METTL5: variants seen among roughly 807,000 people sequenced by gnomAD.
The protein encoded by METTL5 is methyltransferase 5, N6-adenosine, also known as rRNA N(6)-adenosine-methyltransferase METTL5.
Under a neutral mutation model 26.5 loss-of-function variants are expected in METTL5, and 28 were observed. The observed-to-expected ratio is 1.06, with a 90% CI of 0.78 to 1.45. METTL5 has a LOEUF of 1.45. METTL5 is among the 40% of genes most tolerant of loss of function. METTL5 has a pLI of 0.00. For missense variants in METTL5, 231 were observed against 249.9 expected, an observed-to-expected ratio of 0.92 and a Z score of 0.51; for synonymous variants, 86 against 82.6, an observed-to-expected ratio of 1.04 and a Z score of -0.22.
At position 169,821,991 on chromosome 2, in the gene METTL5, C is replaced by T. The variant is rs769892847; in HGVS notation, c.176G>A (p.Gly59Glu). The change falls in exon 2 of 7, where the codon GGA (glycine) becomes GAA (glutamate). Residue 59 changes from glycine to glutamate, a missense_variant. By Grantham distance (98) the Gly-to-Glu change is moderately conservative. Transcript: ENST00000260953. ...DIENKVVADL[G>E]CGCGVLSIGT... ...GATGCTAAGTACTCCACAACCACAT[C>T]CTAGATCTGCAACGACTTTATTTTC... is the stretch of plus-strand genomic sequence containing the variant. 1.9e-6 allele frequency: 3 copies of T among 1,613,570 alleles called. No individual in the cohort carries two copies. The highest frequency in any genetic ancestry group is 2.2e-5 in the East Asian group (1 of 44,870).
At chr2:169,812,784 A>G (rs546030222) in intron 5 of METTL5, 257 of 288,462 alleles carry the variant, frequency 8.9e-4, no homozygotes, top group Admixed American at 2.2e-3. Flanking sequence ...ATCCTATGAA[A>G]ATGATGGTAC....
Position 169,823,809 on chromosome 2 carries a change from G to T in METTL5, c.109+680C>A, listed in dbSNP as rs78216290. On this transcript the variant is annotated intron_variant, in intron 1 of 6. Coordinates refer to ENST00000260953, the MANE Select transcript of METTL5 (RefSeq NM_014168.4). ...CACTCCAGCCTGGGTGACAGAGTGAGACCCTTATCTCAAAAAATAATAATA... is the reference window on the plus strand; with the variant it reads ...CACTCCAGCCTGGGTGACAGAGTGATACCCTTATCTCAAAAAATAATAATA... Among the ~76,000 whole-genome samples the T allele has an allele frequency of 9.3e-3, 1,409 of 152,160 alleles. 17 individuals are homozygous for T. The highest frequency in any genetic ancestry group is 0.032 in the African/African-American group (1,336 of 41,486).
chr2:169,820,723 T>C (rs543788677), intron 3 of METTL5, among the ~76,000 whole-genome samples: 12 of 152,378 alleles, frequency 7.9e-5, no homozygotes, highest in Admixed American at 1.3e-4. Context: ...TATTTTTGTT[T>C]AATTTTTTCT....
chr2:169,812,744 T>G, intron 5 of METTL5: 1 of 434,694 alleles, frequency 2.3e-6, no homozygotes, highest in Non-Finnish European at 4.1e-6. Context: ...GTGATGAGTT[T>G]AGAAGGATAA....
At chr2:169,821,807 C>G (rs2081588549) in intron 2 of METTL5, 136 bp downstream of exon 2, 11 of 672,652 alleles carry the variant, frequency 1.6e-5, no homozygotes, top group Non-Finnish European at 2.7e-5. Context: ...TCTGCCCATT[C>G]AAAATGTATT....
intron 4 of METTL5, among the ~76,000 whole-genome samples, chr2:169,818,155 G>A (rs541047194): frequency 6.6e-6 from 1 of 152,280 alleles, no homozygotes; most frequent in South Asian, 2.1e-4. Context: ...AAAGGGAATT[G>A]CCTACATGAT....
intron 4 of METTL5, 92 bp from the exon 5 acceptor site, chr2:169,815,620 G>T: frequency 1.1e-6 from 1 of 902,332 alleles, no homozygotes; most frequent in Non-Finnish European, 1.7e-6. Context: ...GAGTTTTTAA[G>T]CTTAAAATTT....
chr2:169,823,309 T>TA (rs1353294683), intron 1 of METTL5, among the ~76,000 whole-genome samples: 1 of 152,074 alleles, frequency 6.6e-6, no homozygotes, highest in Admixed American at 6.5e-5. Context: ...TGGATTCCAC[T>TA]AAAAAAACCT....
At chr2:169,822,113 T>G (rs1330162956) in intron 1 of METTL5, 56 bp from the exon 2 acceptor site, 2 of 1,559,036 alleles carry the variant, frequency 1.3e-6, no homozygotes, top group Non-Finnish European at 1.7e-6. Flanking sequence ...AAATCTAATT[T>G]GTGCAAATGA....
chr2:169,816,038 T>C (rs972363639), intron 4 of METTL5, among the ~76,000 whole-genome samples: 6 of 152,030 alleles, frequency 3.9e-5, no homozygotes, highest in African/African-American at 1.5e-4. Flanking sequence ...GTCCACTCTA[T>C]GTTTGCACAA....
intron 5 of METTL5, among the ~76,000 whole-genome samples, chr2:169,814,679 ATTC>A (rs1434731792): frequency 6.7e-6 from 1 of 150,074 alleles, no homozygotes; most frequent in Non-Finnish European, 1.5e-5. Context: ...GGTTCACACC[ATTC>A]TTCTGCCTCA....
rs397786510 is a variant in METTL5 at position 169,821,355 on chromosome 2, T to TA, written c.225-83dup. ...AAACCAAAATTAGCTGTTTTTTTTT[T>TA]AAACCATATATCTTTTTAACCCAAT... On this transcript the variant is annotated intron_variant, in intron 2 of 6. Coordinates refer to ENST00000260953, the MANE Select transcript of METTL5 (RefSeq NM_014168.4). 36 of 1,035,244 alleles carry TA rather than the reference T, an allele frequency of 3.5e-5. 1 individual carries two copies. Among genetic ancestry groups the TA allele is most frequent in the South Asian group, 2.7e-4 (16 of 59,784 alleles). The allele number at this position is 1,035,244 out of a possible 1,614,324, so 64.1% of individuals were successfully genotyped here.
Position 169,824,672 on chromosome 2 carries a change from T to C in METTL5, c.-75A>G. 1 of 1,196,238 alleles carries C rather than the reference T, an allele frequency of 8.4e-7. No homozygotes were observed. Among genetic ancestry groups the C allele is most frequent in the Non-Finnish European group, 1.2e-6 (1 of 801,430 alleles). The allele number at this position is 1,196,238 out of a possible 1,614,324, so 74.1% of individuals were successfully genotyped here. On this transcript the variant is annotated 5_prime_UTR_variant, in exon 1 of 7. Coordinates refer to ENST00000260953, the MANE Select transcript of METTL5 (RefSeq NM_014168.4). ...AGAAATCTATTGAACTGGGATCTTG[T>C]TTCCTCCCTACCCCCAACCTTCTCC... is the stretch of plus-strand genomic sequence containing the variant.
In METTL5 at chr2:169,821,225, A is replaced by G. The variant is rs201158754; in HGVS notation, c.273T>C (p.Asn91=). Residue 91 remains asparagine, a synonymous_variant, in exon 3 of 7, where the codon AAT becomes AAC. Coordinates refer to ENST00000260953, the MANE Select transcript of METTL5 (RefSeq NM_014168.4). ...DIDEDALEIF[N]RNAEEFELTN... is the part of the protein sequence containing the mutation. ...TTAACTCAAACTCTTCTGCATTCCT[A>G]TTAAATATTTCCAATGCGTCTTCAT... is the stretch of plus-strand genomic sequence containing the variant. 1.2e-6 allele frequency: 2 copies of G among 1,612,274 alleles called. No individual in the cohort carries two copies. Among genetic ancestry groups the G allele is most frequent in the Non-Finnish European group, 1.7e-6 (2 of 1,179,288 alleles).
chr2:169,821,966 G>A lies in METTL5; in HGVS notation c.201C>T (p.Ile67=), dbSNP rs35417312. The A allele has an allele frequency of 0.036, 57,596 of 1,613,080 alleles. 1,115 individuals are homozygous for A. Among genetic ancestry groups the A allele is most frequent in the Non-Finnish European group, 0.039 (45,753 of 1,179,860 alleles). ...ACCCTGCTCCTAACATTGCAGTTCC[G>A]ATGCTAAGTACTCCACAACCACATC... ...DLGCGCGVLS[I]GTAMLGAGLC... The change falls in exon 2 of 7, where the codon ATC becomes ATT. Residue 67 remains isoleucine (I), a synonymous_variant. Coordinates refer to ENST00000260953, the MANE Select transcript of METTL5 (RefSeq NM_014168.4).
At position 169,814,480 on chromosome 2, in the gene METTL5, AAG is replaced by A. The variant is rs1553483336; in HGVS notation, c.541+995_541+996del. Among the ~76,000 whole-genome samples, 1,001 of 134,426 alleles carry A rather than the reference AAG, an allele frequency of 7.4e-3. 26 individuals carry two copies. Among genetic ancestry groups the A allele is most frequent in the African/African-American group, 0.028 (912 of 32,680 alleles). The allele number at this position is 134,426 out of a possible 152,430, so 88.2% of individuals were successfully genotyped here. A position where few individuals can be genotyped will look rare whatever the true frequency, so the allele number is the denominator to read the frequency against. Reference sequence around the variant, plus strand: ...CAAGGCTTTGTCTCAAAAAAAAAAAAAGAAAAAAGAAAATGAAATTAGATTAT... The same window carrying A: ...CAAGGCTTTGTCTCAAAAAAAAAAAAAAAAAAGAAAATGAAATTAGATTAT... On this transcript the variant is annotated intron_variant, in intron 5 of 6. Transcript: ENST00000260953.
rs748318812 is a variant in METTL5 at position 169,821,926 on chromosome 2, T to A, written c.224+17A>T. ...AAAGCCACCCAATACCCAAATAGCA[T>A]ATATTGCATTACGTACCCTGCTCCT... is the stretch of plus-strand genomic sequence containing the variant. On this transcript the variant is annotated intron_variant, in intron 2 of 6. Coordinates refer to ENST00000260953, the MANE Select transcript of METTL5 (RefSeq NM_014168.4). 10 of 1,608,912 alleles carry A rather than the reference T, an allele frequency of 6.2e-6. No individual in the cohort carries two copies. The highest frequency in any genetic ancestry group is 8.5e-6 in the Non-Finnish European group (10 of 1,176,438).
chr2:169,820,132 T>C (rs1488233868), intron 3 of METTL5, among the ~76,000 whole-genome samples: 2 of 152,160 alleles, frequency 1.3e-5, no homozygotes, highest in Non-Finnish European at 2.9e-5. Context: ...TCATTTTGTA[T>C]TTTTAGTAGA....
chr2:169,813,602 C>T (rs1310470622), intron 5 of METTL5, among the ~76,000 whole-genome samples: 1 of 151,698 alleles, frequency 6.6e-6, no homozygotes, highest in Non-Finnish European at 1.5e-5. Context: ...CACCTCTAAT[C>T]CCAGCACTTT....
Sources: gnomAD v4.1 joint callset for allele counts (sites outside exome capture counted in the v4.1 genomes callset) on GRCh38, gnomAD v4.1.1 for gene constraint, MANE v1.5 for transcripts, NCBI Gene and HGNC (gene_info 2026-07-23, HGNC 2026-07-21) for gene names.